Variants in TENM2 observed in about 807,000 individuals in gnomAD.
The protein encoded by TENM2 is teneurin transmembrane protein 2, also known as teneurin-2.
A neutral mutation model predicts 245.2 loss-of-function variants in TENM2; 52 were observed. The observed-to-expected ratio is 0.21, with a 90% confidence interval of 0.17 to 0.27. The LOEUF (loss-of-function observed/expected upper bound fraction) is 0.27. TENM2 is among the 10% of genes least tolerant of loss of function. The pLI is 1.00. For missense variants in TENM2, 3,046 were observed against 3,666.8 expected, an observed-to-expected ratio of 0.83 and a Z score of 4.37; for synonymous variants, 1,363 against 1,438.9, an observed-to-expected ratio of 0.95 and a Z score of 1.19.
chr5:167,811,943 G>A (rs1050194440), intron 2 of TENM2, among the ~76,000 whole-genome samples: 5 of 152,090 alleles, frequency 3.3e-5, no homozygotes, highest in African/African-American at 7.2e-5. Context: ...TTAATATAAA[G>A]GTCAGACTAT....
chr5:168,089,835 T>G (rs1792768349), intron 7 of TENM2, among the ~76,000 whole-genome samples: 1 of 152,200 alleles, frequency 6.6e-6, no homozygotes, highest in South Asian at 2.1e-4. Flanking sequence ...AACATGTATT[T>G]TGTGTTTGCT....
chr5:167,097,652 A>C, the TENM2 span, among the ~76,000 whole-genome samples: 1 of 152,240 alleles, frequency 6.6e-6, no homozygotes, highest in Non-Finnish European at 1.5e-5. Context: ...GCTTTTTGGC[A>C]GCAAGACAAT....
At chr5:167,645,929 T>C (rs779540780) in intron 2 of TENM2, among the ~76,000 whole-genome samples, 47 of 151,722 alleles carry the variant, frequency 3.1e-4, no homozygotes, top group Non-Finnish European at 6.5e-4. Context: ...TCTATTACTT[T>C]TTAAACTACA....
intron 3 of TENM2, among the ~76,000 whole-genome samples, chr5:167,911,484 G>A (rs1471477817): frequency 5.3e-5 from 8 of 152,180 alleles, no homozygotes; most frequent in Non-Finnish European, 8.8e-5. Context: ...CCGAGATCGC[G>A]CCACTGCACT....
chr5:167,694,378 G>A (rs1757628353), intron 2 of TENM2, among the ~76,000 whole-genome samples: 1 of 152,166 alleles, frequency 6.6e-6, no homozygotes, highest in South Asian at 2.1e-4. Flanking sequence ...CCACAGCCCA[G>A]GTTCTGAACC....
chr5:166,996,455 G>T, the TENM2 span, among the ~76,000 whole-genome samples: 4 of 152,220 alleles, frequency 2.6e-5, no homozygotes, highest in Non-Finnish European at 5.9e-5. Context: ...TGACCATACT[G>T]TTCAATTGCG....
the TENM2 span, among the ~76,000 whole-genome samples, chr5:167,010,052 C>T: frequency 6.6e-6 from 1 of 152,098 alleles, no homozygotes; most frequent in African/African-American, 2.4e-5. Context: ...AAGTAAATAA[C>T]GTGACACGAG....
At chr5:167,963,936 G>A (rs916193611) in intron 4 of TENM2, among the ~76,000 whole-genome samples, 1 of 152,060 alleles carries the variant, frequency 6.6e-6, no homozygotes, top group East Asian at 1.9e-4. Context: ...ATATAAATTT[G>A]TACTACCAAA....
At chr5:168,203,935 C>A in intron 18 of TENM2, 103 bp downstream of exon 20, 1 of 1,029,702 alleles carries the variant, frequency 9.7e-7, no homozygotes, top group South Asian at 3.6e-5. Context: ...TTCCCTGGGT[C>A]ATTTTTTCAT....
At chr5:167,552,957 G>A (rs1314492333) in intron 2 of TENM2, among the ~76,000 whole-genome samples, 1 of 147,098 alleles carries the variant, frequency 6.8e-6, no homozygotes, top group Non-Finnish European at 1.5e-5. Context: ...GAATAAGTGA[G>A]ACATAGTTCT....
At chr5:167,907,630 G>A (rs1032223157) in intron 3 of TENM2, among the ~76,000 whole-genome samples, 2 of 146,030 alleles carry the variant, frequency 1.4e-5, no homozygotes, top group South Asian at 4.4e-4. Context: ...TTATGGCTGG[G>A]TGTATCTCAT....
chr5:167,022,737 C>T, the TENM2 span, among the ~76,000 whole-genome samples: 1 of 152,096 alleles, frequency 6.6e-6, no homozygotes, highest in Non-Finnish European at 1.5e-5. Context: ...CTTTATGGAG[C>T]ATGTACTCTC....
At chr5:167,721,119 C>G (rs1375971625) in intron 2 of TENM2, among the ~76,000 whole-genome samples, 1 of 152,108 alleles carries the variant, frequency 6.6e-6, no homozygotes, top group Admixed American at 6.5e-5. Context: ...ATTTAACAGC[C>G]TTAAGACCTT....
intron 2 of TENM2, among the ~76,000 whole-genome samples, chr5:167,412,583 A>C (rs1274202950): frequency 1.3e-5 from 2 of 152,150 alleles, no homozygotes; most frequent in African/African-American, 4.8e-5. Flanking sequence ...GTAGCAAAAG[A>C]AATTATGGAA....
intron 2 of TENM2, among the ~76,000 whole-genome samples, chr5:167,572,281 C>A (rs960118181): frequency 1.3e-5 from 2 of 152,188 alleles, no homozygotes; most frequent in Non-Finnish European, 2.9e-5. Flanking sequence ...TGGACCATTT[C>A]TCATTCTATA....
chr5:167,158,802 ACATATG>A, the TENM2 span, among the ~76,000 whole-genome samples: 2 of 151,500 alleles, frequency 1.3e-5, no homozygotes, highest in Non-Finnish European at 2.9e-5. Context: ...TAGGGTTTCA[ACATATG>A]ATTTCTAGGG....
exon 12 of TENM2, chr5:168,126,819 G>A: frequency 6.2e-7 from 1 of 1,613,388 alleles, no homozygotes; most frequent in Non-Finnish European, 8.5e-7. Flanking sequence ...CTGTGAAGAG[G>A]GCTGGACAGG....
intron 28 of TENM2, 135 bp downstream of exon 30, chr5:168,260,548 G>C (rs937339210): frequency 1.1e-5 from 11 of 989,108 alleles, no homozygotes; most frequent in Non-Finnish European, 1.3e-5. Context: ...GACACATTGA[G>C]ACTTCCCAGG....
intron 5 of TENM2, among the ~76,000 whole-genome samples, chr5:168,025,092 G>A (rs761807963): frequency 2.0e-5 from 3 of 152,146 alleles, no homozygotes; most frequent in African/African-American, 7.2e-5. Flanking sequence ...TACACACATG[G>A]AAATTTATTA....
Sources: gnomAD v4.1 joint callset for allele counts (sites outside exome capture counted in the v4.1 genomes callset) on GRCh38, gnomAD v4.1.1 for gene constraint, MANE v1.5 for transcripts, NCBI Gene and HGNC (gene_info 2026-07-23, HGNC 2026-07-21) for gene names.